The following TMEM50A variants were observed in gnomAD, a reference collection of about 807,000 sequenced individuals.
TMEM50A encodes the protein transmembrane protein 50A, also known as cervical cancer oncogene 9.
Under a neutral mutation model 23.9 loss-of-function variants are expected in TMEM50A, and 8 were observed. That is an observed-to-expected ratio of 0.33 (90% CI 0.20 to 0.60). The LOEUF is 0.60. Ranked by LOEUF, TMEM50A falls within the 20% of genes least tolerant of loss-of-function variation. The pLI, the probability that TMEM50A is intolerant of heterozygous loss-of-function variation, is 0.81. For missense variants in TMEM50A, 178 were observed against 192.7 expected (o/e 0.92, Z 0.45); for synonymous variants, 55 against 60.4 (o/e 0.91, Z 0.41).
intron 2 of TMEM50A, among the ~76,000 whole-genome samples, chr1:25,341,565 G>T (rs3093581): frequency 6.6e-6 from 1 of 152,174 alleles, no homozygotes; most frequent in African/African-American, 2.4e-5. Flanking sequence ...TTTTAGTAGA[G>T]ACGGGGTTTC....
At chr1:25,358,651 T>C (rs550214993) in intron 6 of TMEM50A, among the ~76,000 whole-genome samples, 166 of 152,364 alleles carry the variant, frequency 1.1e-3, no homozygotes, top group Middle Eastern at 3.4e-3. Context: ...CTCTTTGGGT[T>C]ATACCTTGTA....
At chr1:25,346,188 G>A (rs1645214790) in intron 3 of TMEM50A, among the ~76,000 whole-genome samples, 1 of 151,604 alleles carries the variant, frequency 6.6e-6, no homozygotes, top group African/African-American at 2.4e-5. Flanking sequence ...ATTTCTAAGG[G>A]CCTTTGTTTC....
At chr1:25,356,110 C>T (rs1645331263) in intron 5 of TMEM50A, among the ~76,000 whole-genome samples, 1 of 152,196 alleles carries the variant, frequency 6.6e-6, no homozygotes, top group Non-Finnish European at 1.5e-5. Context: ...TCTCTTGCCT[C>T]CTTTAATCTA....
rs58801158 is a variant in TMEM50A at position 25,357,528 on chromosome 1, A to AGTGTGTGTGTGTGT, written c.428+696_428+709dup. Reference sequence around the variant, plus strand: ...ACAGCTCTTAATCCTCTGCATCAGGAGTGTGTGTGTGTGTGTGTGTGTGTG... The same window carrying AGTGTGTGTGTGTGT: ...ACAGCTCTTAATCCTCTGCATCAGGAGTGTGTGTGTGTGTGTGTGTGTGTGTGTGTGTGTGTGTG... On this transcript the variant is annotated intron_variant, in intron 6 of 6. Transcript: ENST00000374358. 7.8e-4 allele frequency among the ~76,000 whole-genome samples: 109 copies of AGTGTGTGTGTGTGT among 139,660 alleles called. 1 individual carries two copies. Among genetic ancestry groups the AGTGTGTGTGTGTGT allele is most frequent in the African/African-American group, 2.8e-3 (104 of 36,938 alleles). The allele number at this position is 139,660 out of a possible 152,430, so 91.6% of individuals were successfully genotyped here. A position where few individuals can be genotyped will look rare whatever the true frequency, so the allele number is the denominator to read the frequency against.
chr1:25,341,481 C>T (rs1323184173), intron 2 of TMEM50A, among the ~76,000 whole-genome samples: 2 of 152,028 alleles, frequency 1.3e-5, no homozygotes, highest in Non-Finnish European at 1.5e-5. Flanking sequence ...CTCCTGACCT[C>T]GTGATCCGCC....
chr1:25,358,445 C>T (rs1645360085), intron 6 of TMEM50A, among the ~76,000 whole-genome samples: 2 of 152,178 alleles, frequency 1.3e-5, no homozygotes, highest in African/African-American at 4.8e-5. Flanking sequence ...TTCCCCTTCC[C>T]TTCCCACCCA....
chr1:25,353,939 A>G (rs980303615), intron 5 of TMEM50A, among the ~76,000 whole-genome samples: 1 of 152,192 alleles, frequency 6.6e-6, no homozygotes, highest in Non-Finnish European at 1.5e-5. Context: ...ATTTAATCTC[A>G]TAGATGGGAG....
At chr1:25,355,095 T>A (rs1645321049) in intron 5 of TMEM50A, among the ~76,000 whole-genome samples, 1 of 152,128 alleles carries the variant, frequency 6.6e-6, no homozygotes, top group Non-Finnish European at 1.5e-5. Context: ...AAAATGTATA[T>A]ATTTTGAGTT....
chr1:25,362,248 A>C lies in TMEM50A; in HGVS notation c.*1543A>C. On this transcript the variant is annotated 3_prime_UTR_variant, in exon 7 of 7. Transcript: ENST00000374358. ...TGAGAAAGAATCTTAAGAATTGTCA[A>C]TAAAATTAACCCAAAACTTTAATAA... 1 of 650,420 alleles carries C rather than the reference A, an allele frequency of 1.5e-6. No homozygotes were observed. The highest frequency in any genetic ancestry group is 2.0e-5 in the South Asian group (1 of 48,928). 40.3% of individuals were successfully genotyped at this position (650,420 alleles called of 1,614,324 possible).
rs58801158 is a variant in TMEM50A at position 25,357,528 on chromosome 1, A to AGTGTGT, written c.428+704_428+709dup. On this transcript the variant is annotated intron_variant, in intron 6 of 6. Coordinates refer to ENST00000374358, the MANE Select transcript of TMEM50A (RefSeq NM_014313.4). Reference sequence around the variant, plus strand: ...ACAGCTCTTAATCCTCTGCATCAGGAGTGTGTGTGTGTGTGTGTGTGTGTG... The same window carrying AGTGTGT: ...ACAGCTCTTAATCCTCTGCATCAGGAGTGTGTGTGTGTGTGTGTGTGTGTGTGTGTG... Among the ~76,000 whole-genome samples the AGTGTGT allele has an allele frequency of 8.2e-3, 1,149 of 139,624 alleles. 11 individuals carry two copies. Among genetic ancestry groups the AGTGTGT allele is most frequent in the East Asian group, 0.02 (94 of 4,728 alleles). 91.6% of individuals were successfully genotyped at this position (139,624 alleles called of 152,430 possible).
In TMEM50A at chr1:25,356,798, G is replaced by T. The variant is rs1380795884; in HGVS notation, c.373G>T (p.Asp125Tyr). Residue 125 changes from aspartate to tyrosine, a missense_variant, in exon 6 of 7, where the codon GAC (aspartate) becomes TAC (tyrosine). Physicochemically the swap from Asp to Tyr is radical, Grantham distance 160 (BLOSUM62 -3). Transcript: ENST00000374358. ...CACTGCAATTATTTTTACAGAAAAAGACATAGTATACCCTGGAATTGCTGT... is the reference window on the plus strand; with the variant it reads ...CACTGCAATTATTTTTACAGAAAAATACATAGTATACCCTGGAATTGCTGT... ...LFGGYVAKEK[D>Y]IVYPGIAVFF... 1.3e-6 allele frequency: 2 copies of T among 1,582,208 alleles called. No individual in the cohort carries two copies. The highest frequency in any genetic ancestry group is 1.7e-6 in the Non-Finnish European group (2 of 1,169,946).
chr1:25,355,493 A>G (rs930002950), intron 5 of TMEM50A, among the ~76,000 whole-genome samples: 3 of 152,168 alleles, frequency 2.0e-5, no homozygotes, highest in African/African-American at 4.8e-5. Flanking sequence ...TTATCTCATA[A>G]TTTTAGGCTA....
intron 6 of TMEM50A, among the ~76,000 whole-genome samples, chr1:25,357,873 G>A (rs540254860): frequency 6.0e-5 from 9 of 151,238 alleles, no homozygotes; most frequent in South Asian, 2.1e-4. Flanking sequence ...TCCTGATCTC[G>A]TGATCTGCCT....
At chr1:25,353,077 C>CTATAGGAACTATA in intron 5 of TMEM50A, 103 bp downstream of exon 5, 2 of 936,882 alleles carry the variant, frequency 2.1e-6, no homozygotes, top group Non-Finnish European at 3.2e-6. Context: ...GTTGGGCCAA[C>CTATAGGAACTATA]TACTAGCGAT....
At chr1:25,343,206 G>A in intron 3 of TMEM50A, 133 bp downstream of exon 3, 1 of 649,060 alleles carries the variant, frequency 1.5e-6, no homozygotes, top group African/African-American at 1.8e-5. Context: ...AAGTCACACA[G>A]TAGAGATGGA....
At chr1:25,358,297 AC>A in intron 6 of TMEM50A, among the ~76,000 whole-genome samples, 1 of 152,304 alleles carries the variant, frequency 6.6e-6, no homozygotes, top group South Asian at 2.1e-4. Flanking sequence ...GTGAGGTATC[AC>A]CAGACATTTC....
chr1:25,339,685 G>A (rs569840206), intron 1 of TMEM50A, among the ~76,000 whole-genome samples: 1 of 152,132 alleles, frequency 6.6e-6, no homozygotes, highest in Non-Finnish European at 1.5e-5. Context: ...ACTAATGTTA[G>A]TGCTCCTGGA....
intron 3 of TMEM50A, among the ~76,000 whole-genome samples, chr1:25,350,481 C>T (rs563762231): frequency 1.2e-4 from 18 of 152,240 alleles, no homozygotes; most frequent in East Asian, 7.8e-4. Context: ...ACCTGTTTCC[C>T]GGGTTCAAGC....
At chr1:25,349,754 C>G (rs1164745316) in intron 3 of TMEM50A, among the ~76,000 whole-genome samples, 2 of 152,194 alleles carry the variant, frequency 1.3e-5, no homozygotes, top group African/African-American at 4.8e-5. Context: ...CAGGCCTGAC[C>G]TAAACACATT....
Sources: gnomAD v4.1 joint callset for allele counts (sites outside exome capture counted in the v4.1 genomes callset) on GRCh38, gnomAD v4.1.1 for gene constraint, MANE v1.5 for transcripts, NCBI Gene and HGNC (gene_info 2026-07-23, HGNC 2026-07-21) for gene names.